The following RSF1 variants were observed in gnomAD, a reference collection of about 807,000 sequenced individuals.
RSF1 encodes the protein HBV pX-associated protein 8.
A neutral mutation model predicts 145.2 loss-of-function variants in RSF1; 13 were observed. The ratio of observed to expected loss-of-function variants is 0.09; its 90% CI spans 0.06 to 0.14. The LOEUF is 0.14. Among genes scored for constraint, RSF1 ranks in the 10% least tolerant of loss-of-function variants. The probability of loss-of-function intolerance (pLI) is 1.00; values close to 1 mark genes in which losing one functional copy is unlikely to be tolerated. For missense variants in RSF1, 1,517 were observed against 1,718.2 expected (o/e 0.88, Z 2.07); for synonymous variants, 577 against 592.6 (o/e 0.97, Z 0.38).
chr11:77,683,382 C>G (rs956519589), intron 11 of RSF1, among the ~76,000 whole-genome samples: 4 of 151,672 alleles, frequency 2.6e-5, no homozygotes, highest in Admixed American at 6.6e-5. Context: ...AACAGATTTA[C>G]ATTTGGAAAG....
the RSF1 span, among the ~76,000 whole-genome samples, chr11:77,860,676 T>C: frequency 7.2e-5 from 11 of 152,340 alleles, no homozygotes; most frequent in African/African-American, 2.6e-4. Context: ...CCCTGAACCC[T>C]TGGGGTAAAA....
intron 5 of RSF1, among the ~76,000 whole-genome samples, chr11:77,719,313 A>G (rs954835737): frequency 4.6e-5 from 7 of 152,220 alleles, no homozygotes; most frequent in Non-Finnish European, 1.0e-4. Flanking sequence ...TTTTTCTGAA[A>G]TAATTCTTGG....
chr11:77,755,882 C>T (rs2135929029), intron 2 of RSF1, among the ~76,000 whole-genome samples: 1 of 152,216 alleles, frequency 6.6e-6, no homozygotes, highest in Non-Finnish European at 1.5e-5. Flanking sequence ...AATAGCTGAG[C>T]TCTGGGAAGT....
chr11:77,733,361 T>A (rs1317132042), intron 4 of RSF1, among the ~76,000 whole-genome samples: 1 of 149,930 alleles, frequency 6.7e-6, no homozygotes, highest in African/African-American at 2.5e-5. Context: ...TATATATATA[T>A]TCTTTATGAA....
rs1555002928 is a variant in RSF1, at chr11:77,814,208, A to AAAAG, written c.187+6319_187+6320insCTTT. Among the ~76,000 whole-genome samples, 545 of 148,050 alleles carry AAAAG rather than the reference A, an allele frequency of 3.7e-3. 7 individuals carry two copies. Among genetic ancestry groups the AAAAG allele is most frequent in the Middle Eastern group, 6.9e-3 (2 of 290 alleles). On this transcript the variant is annotated intron_variant, in intron 1 of 15. Transcript: ENST00000308488. ...GAGCGAGACTGTCTCAAAAAAAAAA[A>AAAAG]AAGTTTTGGCCACAAGTGGTGACTC...
Position 77,735,096 on chromosome 11 carries a change from G to T in RSF1, c.578+5635C>A, listed in dbSNP as rs576610761. 2.3e-5 allele frequency: 21 copies of T among 898,702 alleles called. No individual in the cohort carries two copies. The African/African-American group carries it at 2.9e-4, about 13-fold the overall frequency. The allele number at this position is 898,702 out of a possible 1,614,324, so 55.7% of individuals were successfully genotyped here. On this transcript the variant is annotated intron_variant, in intron 4 of 15. Coordinates refer to ENST00000308488, the MANE Select transcript of RSF1 (RefSeq NM_016578.4). ...GCGCTGGGGCGGCGGCAGGGGCCTT[G>T]GGGCGGTCTGAGGGTGCCGTGAAGA...
At position 77,702,182 on chromosome 11, in the gene RSF1, T is replaced by C. The variant is rs756308222; in HGVS notation, c.1047A>G (p.Glu349=). Residue 349 remains glutamate, a synonymous_variant, in exon 6 of 16, where the codon GAA becomes GAG. Transcript: ENST00000308488. ...SMEKPVAQEP[E]RIEFGGNIKS... is the part of the protein sequence containing the mutation. ...TAATATTGCCACCAAATTCGATCCT[T>C]TCAGGCTCCTGTGCCACTGGCTTCT... The C allele has an allele frequency of 6.2e-7, 1 of 1,614,130 alleles. No homozygotes were observed. The highest frequency in any genetic ancestry group is 1.1e-5 in the South Asian group (1 of 91,072).
intron 9 of RSF1, among the ~76,000 whole-genome samples, chr11:77,688,216 C>T (rs1421046087): frequency 6.6e-6 from 1 of 152,128 alleles, no homozygotes; most frequent in East Asian, 1.9e-4. Flanking sequence ...CGCTTGAACC[C>T]AGGAGGCAGA....
the RSF1 span, among the ~76,000 whole-genome samples, chr11:77,854,994 A>G: frequency 5.3e-5 from 8 of 152,194 alleles, no homozygotes; most frequent in Non-Finnish European, 1.2e-4. Context: ...ACCTCATGGA[A>G]GCCACCAAGG....
intron 2 of RSF1, among the ~76,000 whole-genome samples, chr11:77,751,316 A>G (rs1488216789): frequency 6.6e-6 from 1 of 152,208 alleles, no homozygotes; most frequent in African/African-American, 2.4e-5. Flanking sequence ...GGCTTCTAAG[A>G]GCCTAAGATC....
the RSF1 span, among the ~76,000 whole-genome samples, chr11:77,867,450 G>T: frequency 4.6e-5 from 7 of 152,050 alleles, no homozygotes. Context: ...ACAAATATTT[G>T]CACATTTTCA....
At chr11:77,703,119 T>A (rs1326157846) in intron 5 of RSF1, 1 of 152,218 alleles carries the variant, frequency 6.6e-6, no homozygotes, top group Non-Finnish European at 1.5e-5. Flanking sequence ...ATGCCTTTTA[T>A]AAAAATTGAG....
intron 6 of RSF1, among the ~76,000 whole-genome samples, chr11:77,698,981 A>C (rs1366606887): frequency 1.3e-5 from 2 of 152,154 alleles, no homozygotes. Context: ...ATGCCATTAC[A>C]TAACTGTTTT....
chr11:77,829,869 T>C, the RSF1 span: 1 of 152,250 alleles, frequency 6.6e-6, no homozygotes, highest in South Asian at 2.1e-4. Context: ...CAGTTGTTCA[T>C]GCTTGTAATC....
At chr11:77,818,647 T>C (rs573089044) in intron 1 of RSF1, among the ~76,000 whole-genome samples, 2 of 152,076 alleles carry the variant, frequency 1.3e-5, no homozygotes, top group South Asian at 4.2e-4. Flanking sequence ...GGCTCGGTGG[T>C]GCACACCTGT....
the RSF1 span, among the ~76,000 whole-genome samples, chr11:77,862,022 G>C: frequency 6.6e-6 from 1 of 152,142 alleles, no homozygotes; most frequent in Admixed American, 6.6e-5. Context: ...AAGGCGGTAG[G>C]ATTTTCTTCC....
intron 4 of RSF1, among the ~76,000 whole-genome samples, chr11:77,733,417 C>T (rs760064589): frequency 6.8e-6 from 1 of 147,564 alleles, no homozygotes; most frequent in Non-Finnish European, 1.5e-5. Context: ...CCTTAGTATA[C>T]TTGGTACAAA....
chr11:77,672,783 A>G (rs1959591959), intron 14 of RSF1, among the ~76,000 whole-genome samples: 1 of 152,118 alleles, frequency 6.6e-6, no homozygotes, highest in Admixed American at 6.6e-5. Flanking sequence ...CCCGGGTTCA[A>G]GCAATTCCCC....
chr11:77,795,053 C>T (rs937648901), intron 1 of RSF1, among the ~76,000 whole-genome samples: 7 of 151,816 alleles, frequency 4.6e-5, no homozygotes, highest in African/African-American at 1.5e-4. Context: ...ACACCAATAA[C>T]GCAAGAGCGA....
Sources: allele counts gnomAD v4.1 joint callset (sites outside exome capture counted in the v4.1 genomes callset), GRCh38; gene constraint gnomAD v4.1.1; transcripts MANE v1.5; gene names NCBI Gene and HGNC (gene_info 2026-07-23, HGNC 2026-07-21).